P3H2: variants seen among roughly 807,000 people sequenced by gnomAD.
P3H2 encodes the protein leprecan-like 1.
In P3H2, 80 loss-of-function variants were observed where a neutral mutation model predicts 87.0. The ratio of observed to expected loss-of-function variants is 0.92; its 90% CI spans 0.77 to 1.11. The LOEUF is 1.11. P3H2 is among the 50% of genes least tolerant of loss of function. P3H2 has a pLI of 0.00. For synonymous variants in P3H2, 367 were observed against 359.3 expected (o/e 1.02, Z -0.24); for missense variants, 1,001 against 923.9 (o/e 1.08, Z -1.08).
rs1037878355 is a variant in P3H2 at position 190,120,728 on chromosome 3, G to C, written c.4C>G (p.Arg2Gly). 7.2e-6 allele frequency: 11 copies of C among 1,519,228 alleles called. No individual in the cohort carries two copies. In the African/African-American group the frequency reaches 9.9e-5, roughly 14 times the overall value. 94.1% of individuals were successfully genotyped at this position (1,519,228 alleles called of 1,614,324 possible). ...AGCGGCGGCGCCCAGATGCGCTCCCGCATCCTCCGCCTCAGAGAGGCGCGG... is the reference window on the plus strand; with the variant it reads ...AGCGGCGGCGCCCAGATGCGCTCCCCCATCCTCCGCCTCAGAGAGGCGCGG... The part of the protein sequence containing the change: M[R>G]ERIWAPPLLL... Residue 2 changes from arginine (R) to glycine (G), a missense_variant, in exon 1 of 15, where the codon CGG (arginine) becomes GGG (glycine). Arg to Gly is a moderately radical substitution (Grantham distance 125). Coordinates refer to ENST00000319332, the MANE Select transcript of P3H2 (RefSeq NM_018192.4).
chr3:190,120,688 GGCAGCA>G lies in P3H2; in HGVS notation c.38_43del (p.Leu13_Leu14del), dbSNP rs748164416. On this transcript the variant is annotated inframe_deletion, in exon 1 of 15. Coordinates refer to ENST00000319332, the MANE Select transcript of P3H2 (RefSeq NM_018192.4). ...CCACAGTGGCGGCGGCAGTAGCAGC[GGCAGCA>G]GCAGCAGCAGCGGCGGCGCCCAGAT... The G allele has an allele frequency of 4.6e-6, 7 of 1,521,058 alleles. No homozygotes were observed. The highest frequency in any genetic ancestry group is 4.0e-5 in the Admixed American group (2 of 49,952). The allele number at this position is 1,521,058 out of a possible 1,614,324, so 94.2% of individuals were successfully genotyped here. A position where few individuals can be genotyped will look rare whatever the true frequency, so the allele number is the denominator to read the frequency against.
At position 189,987,812 on chromosome 3, in the gene P3H2, GAAAC is replaced by G. The variant is rs905927479; in HGVS notation, c.956-147_956-144del. 7.0e-5 allele frequency: 63 copies of G among 896,420 alleles called. No homozygotes were observed. The African/African-American group carries it at 8.4e-4, about 12-fold the overall frequency. The allele number at this position is 896,420 out of a possible 1,614,324, so 55.5% of individuals were successfully genotyped here. ...AAATTGAGGCTCAGCAGAGAAAGCA[GAAAC>G]AGTCACAGATAAAAGGAAAGACATG... On this transcript the variant is annotated intron_variant, in intron 4 of 14. Transcript: ENST00000319332.
intron 1 of P3H2, among the ~76,000 whole-genome samples, chr3:190,105,721 T>A (rs1190773649): frequency 6.6e-6 from 1 of 152,360 alleles, no homozygotes; most frequent in South Asian, 2.1e-4. Flanking sequence ...ACAGGTAGAC[T>A]GTTGGCTTGC....
intron 1 of P3H2, among the ~76,000 whole-genome samples, chr3:190,098,438 G>A (rs1272950291): frequency 3.3e-5 from 5 of 152,130 alleles, no homozygotes; most frequent in Admixed American, 3.3e-4. Context: ...TTCCGTAGTT[G>A]CTATAAATGA....
intron 1 of P3H2, among the ~76,000 whole-genome samples, chr3:190,014,175 G>A (rs1724680527): frequency 6.6e-6 from 1 of 152,214 alleles, no homozygotes; most frequent in South Asian, 2.1e-4. Context: ...GAGAAGCAGG[G>A]CTCAGCCCAG....
intron 14 of P3H2, among the ~76,000 whole-genome samples, chr3:189,959,139 C>G (rs1432514811): frequency 6.6e-6 from 1 of 152,042 alleles, no homozygotes; most frequent in African/African-American, 2.4e-5. Flanking sequence ...CTCTTTCCTA[C>G]TCACAGCTCT....
chr3:190,016,331 C>G (rs1430998390), intron 1 of P3H2, among the ~76,000 whole-genome samples: 1 of 149,302 alleles, frequency 6.7e-6, no homozygotes. Flanking sequence ...GCAACCTCCA[C>G]CTCCTGGGTT....
intron 11 of P3H2, 107 bp from the exon 12 acceptor site, chr3:189,972,114 C>T (rs764643329): frequency 1.4e-5 from 11 of 759,732 alleles, no homozygotes; most frequent in African/African-American, 3.4e-5. Context: ...TGCAAATGGG[C>T]AGAGGCAGAC....
chr3:189,963,271 ATACT>A (rs1722869791), intron 14 of P3H2, among the ~76,000 whole-genome samples: 3 of 152,330 alleles, frequency 2.0e-5, no homozygotes, highest in South Asian at 4.1e-4. Flanking sequence ...TAATATTGAA[ATACT>A]TAATGTAATA....
intron 11 of P3H2, 73 bp from the exon 12 acceptor site, chr3:189,972,080 T>G: frequency 1.0e-5 from 9 of 897,634 alleles, no homozygotes; most frequent in South Asian, 1.3e-5. Context: ...TGACAATCTC[T>G]CTTCTCCCAG....
chr3:190,092,229 T>TTA (rs1727430368), intron 1 of P3H2, among the ~76,000 whole-genome samples: 2 of 84,030 alleles, frequency 2.4e-5, no homozygotes, highest in African/African-American at 1.7e-4. Context: ...CGAGACTCCG[T>TTA]CAAAAAAAAA....
chr3:190,058,865 G>A lies in P3H2; in HGVS notation c.480+61387C>T, dbSNP rs148999203. Among the ~76,000 whole-genome samples, 32 of 152,292 alleles carry A rather than the reference G, an allele frequency of 2.1e-4. No individual in the cohort carries two copies. The East Asian group carries it at 5.2e-3, about 25-fold the overall frequency. ...AAACAAAAGCCAGATTTAGTTCAGC[G>A]AGAAAACAACTGATTTTTGCTGAGG... On this transcript the variant is annotated intron_variant, in intron 1 of 14. Transcript: ENST00000319332.
intron 1 of P3H2, among the ~76,000 whole-genome samples, chr3:190,006,316 C>A (rs546891826): frequency 1.3e-5 from 2 of 152,146 alleles, no homozygotes; most frequent in Non-Finnish European, 2.9e-5. Context: ...AAGAACCTGC[C>A]TAGAATATTA....
intron 14 of P3H2, among the ~76,000 whole-genome samples, chr3:189,959,702 C>T (rs9290912): frequency 0.071 from 10,734 of 151,964 alleles, 984 homozygotes; most frequent in East Asian, 0.32. Context: ...TCTTTTATTC[C>T]TCACATTAAT....
At chr3:189,988,790 T>A in intron 4 of P3H2, 117 bp downstream of exon 4, 1 of 1,300,330 alleles carries the variant, frequency 7.7e-7, no homozygotes, top group Non-Finnish European at 1.1e-6. Flanking sequence ...AATGCATAAA[T>A]TCCTATTGCT....
intron 8 of P3H2, among the ~76,000 whole-genome samples, chr3:189,981,125 C>T (rs1015041049): frequency 1.3e-5 from 2 of 152,196 alleles, no homozygotes; most frequent in Non-Finnish European, 2.9e-5. Context: ...CATCTGTATC[C>T]TTTATAATAA....
intron 1 of P3H2, among the ~76,000 whole-genome samples, chr3:190,050,141 G>T (rs1296712519): frequency 1.3e-5 from 2 of 152,134 alleles, no homozygotes; most frequent in African/African-American, 4.8e-5. Context: ...GAACAAAATT[G>T]CTACTTTCCA....
intron 8 of P3H2, among the ~76,000 whole-genome samples, chr3:189,979,718 T>C (rs1427305239): frequency 6.6e-6 from 1 of 151,986 alleles, no homozygotes; most frequent in Non-Finnish European, 1.5e-5. Flanking sequence ...TCCCAGCACT[T>C]TGAGAGCCCA....
chr3:189,984,615 A>G (rs200097659), intron 6 of P3H2, 25 bp from the exon 7 acceptor site: 14 of 1,579,384 alleles, frequency 8.9e-6, no homozygotes, highest in Non-Finnish European at 1.1e-5. Context: ...GTAAAAAAAA[A>G]AATGCAGTAA....
Sources: allele counts gnomAD v4.1 joint callset (sites outside exome capture counted in the v4.1 genomes callset), GRCh38; gene constraint gnomAD v4.1.1; transcripts MANE v1.5; gene names NCBI Gene and HGNC (gene_info 2026-07-23, HGNC 2026-07-21).